The following ING3 variants were observed in gnomAD, a reference collection of about 807,000 sequenced individuals.
ING3 encodes inhibitor of growth family member 3.
In ING3, 6 loss-of-function variants were observed where a neutral mutation model predicts 64.8. The ratio of observed to expected loss-of-function variants is 0.09; its 90% CI spans 0.05 to 0.18. The LOEUF is 0.18. Ranked by LOEUF, ING3 falls within the 10% of genes least tolerant of loss-of-function variation. ING3 has a pLI of 1.00. For missense variants in ING3, 310 were observed against 489.7 expected (o/e 0.63, Z 3.46); for synonymous variants, 170 against 173.7 (o/e 0.98, Z 0.17).
At chr7:120,966,794 G>A in intron 6 of ING3, 97 bp downstream of exon 6, 1 of 871,080 alleles carries the variant, frequency 1.1e-6, no homozygotes, top group Non-Finnish European at 1.9e-6. Flanking sequence ...AACCAATTGA[G>A]AAATAAATCC....
chr7:120,953,443 G>A, intron 3 of ING3, 39 bp downstream of exon 3: 1 of 1,202,404 alleles, frequency 8.3e-7, no homozygotes, highest in Non-Finnish European at 1.2e-6. Context: ...AAGAAATATT[G>A]GGACCCTCTG....
Position 120,974,970 on chromosome 7 carries a change from A to G in ING3, c.*126A>G. The stretch of plus-strand genomic sequence containing the variant: ...GCAACCACTTAAAGGATTTACATAG[A>G]CAATCCTATAAGATCTTGAACTTGA... On this transcript the variant is annotated 3_prime_UTR_variant, in exon 12 of 12. Coordinates refer to ENST00000315870, the MANE Select transcript of ING3 (RefSeq NM_019071.3). 1.7e-6 allele frequency: 1 copy of G among 572,430 alleles called. No homozygotes were observed. Among genetic ancestry groups the G allele is most frequent in the Non-Finnish European group, 3.0e-6 (1 of 330,450 alleles). The allele number at this position is 572,430 out of a possible 1,614,324, so 35.5% of individuals were successfully genotyped here. A position where few individuals can be genotyped will look rare whatever the true frequency, so the allele number is the denominator to read the frequency against.
Position 120,975,057 on chromosome 7 carries a change from A to C in ING3, c.*213A>C. 1 of 280,212 alleles carries C rather than the reference A, an allele frequency of 3.6e-6. No homozygotes were observed. The highest frequency in any genetic ancestry group is 6.8e-6 in the Non-Finnish European group (1 of 146,852). 17.4% of individuals were successfully genotyped at this position (280,212 alleles called of 1,614,324 possible). A position where few individuals can be genotyped will look rare whatever the true frequency, so the allele number is the denominator to read the frequency against. ...ATTTATGCACTCCTGGTGTGCTATG[A>C]ATATTATTCCAGTTAGCCTTGGATT... On this transcript the variant is annotated 3_prime_UTR_variant, in exon 12 of 12. Transcript: ENST00000315870.
At position 120,976,727 on chromosome 7, in the gene ING3, G is replaced by A. The variant is rs115683557; in HGVS notation, c.*1883G>A. On this transcript the variant is annotated 3_prime_UTR_variant, in exon 12 of 12. Transcript: ENST00000315870. Reference sequence around the variant, plus strand: ...TATTTGAAGAGAAAGTTCTTTGTCTGAGTCAGGAACATCCTGTTATCCAGC... The same window carrying A: ...TATTTGAAGAGAAAGTTCTTTGTCTAAGTCAGGAACATCCTGTTATCCAGC... The A allele has an allele frequency of 6.0e-4, 91 of 152,254 alleles. No homozygotes were observed. The highest frequency in any genetic ancestry group is 2.1e-3 in the African/African-American group (89 of 41,576). 9.4% of individuals were successfully genotyped at this position (152,254 alleles called of 1,614,324 possible). A position where few individuals can be genotyped will look rare whatever the true frequency, so the allele number is the denominator to read the frequency against.
intron 4 of ING3, chr7:120,956,757 A>G: frequency 3.1e-6 from 3 of 975,576 alleles, no homozygotes; most frequent in Non-Finnish European, 2.4e-6. Context: ...AGGCATTTAC[A>G]TTTGAATCTA....
At chr7:120,962,230 T>C (rs1450227960) in intron 4 of ING3, among the ~76,000 whole-genome samples, 1 of 152,158 alleles carries the variant, frequency 6.6e-6, no homozygotes, top group Non-Finnish European at 1.5e-5. Flanking sequence ...CAGTAGTAAA[T>C]AGAAGAAAAA....
chr7:120,961,761 T>G (rs1795936716), intron 4 of ING3, among the ~76,000 whole-genome samples: 1 of 152,162 alleles, frequency 6.6e-6, no homozygotes, highest in African/African-American at 2.4e-5. Context: ...AACTTAAAGC[T>G]GTTATGATTT....
intron 4 of ING3, among the ~76,000 whole-genome samples, chr7:120,962,450 A>G (rs1311496877): frequency 6.6e-6 from 1 of 151,448 alleles, no homozygotes; most frequent in African/African-American, 2.4e-5. Flanking sequence ...GCTATCTAGT[A>G]TTGAAAGTCT....
intron 4 of ING3, among the ~76,000 whole-genome samples, chr7:120,964,152 A>G (rs949363743): frequency 6.6e-6 from 1 of 152,140 alleles, no homozygotes; most frequent in Non-Finnish European, 1.5e-5. Context: ...TTTTAACCAG[A>G]TCCTTTGAGG....
At chr7:120,956,752 T>G (rs1795854041) in intron 4 of ING3, 1 of 975,510 alleles carries the variant, frequency 1.0e-6, no homozygotes, top group African/African-American at 1.8e-5. Flanking sequence ...GAAAAAGGCA[T>G]TTACATTTGA....
chr7:120,953,451 C>G, intron 3 of ING3, 47 bp downstream of exon 3: 2 of 1,126,542 alleles, frequency 1.8e-6, no homozygotes, highest in Non-Finnish European at 2.6e-6. Flanking sequence ...TTGGGACCCT[C>G]TGAAAAAGAT....
At chr7:120,956,135 T>G (rs764287840) in intron 4 of ING3, 2 of 1,545,236 alleles carry the variant, frequency 1.3e-6, no homozygotes, top group South Asian at 1.1e-5. Context: ...GATGACAAAC[T>G]TTAAACAAGA....
In ING3 at chr7:120,975,980, G is replaced by A. The variant is rs1796130182; in HGVS notation, c.*1136G>A. On this transcript the variant is annotated 3_prime_UTR_variant, in exon 12 of 12. Coordinates refer to ENST00000315870, the MANE Select transcript of ING3 (RefSeq NM_019071.3). Reference sequence around the variant, plus strand: ...ACTGGAGGCAATGTAGCCAAATAGAGTAAAGAGACCCCCCTGGTCGGGAGC... The same window carrying A: ...ACTGGAGGCAATGTAGCCAAATAGAATAAAGAGACCCCCCTGGTCGGGAGC... 6.6e-6 allele frequency: 1 copy of A among 152,084 alleles called. No homozygotes were observed. The highest frequency in any genetic ancestry group is 2.1e-4 in the South Asian group (1 of 4,832). 9.4% of individuals were successfully genotyped at this position (152,084 alleles called of 1,614,324 possible). A position where few individuals can be genotyped will look rare whatever the true frequency, so the allele number is the denominator to read the frequency against.
At chr7:120,963,859 A>G (rs1461390467) in intron 4 of ING3, among the ~76,000 whole-genome samples, 6 of 152,198 alleles carry the variant, frequency 3.9e-5, no homozygotes, top group African/African-American at 1.2e-4. Flanking sequence ...AGTTATTTCT[A>G]ATTCTAGCAG....
chr7:120,971,740 T>A (rs556367267), intron 10 of ING3, among the ~76,000 whole-genome samples: 1 of 152,294 alleles, frequency 6.6e-6, no homozygotes, highest in East Asian at 1.9e-4. Context: ...GGGATAATAT[T>A]ACGATAGGCA....
chr7:120,951,252 A>G lies in ING3; in HGVS notation c.100+17A>G, dbSNP rs367660853. The G allele has an allele frequency of 1.7e-5, 27 of 1,613,244 alleles. No homozygotes were observed. Among genetic ancestry groups the G allele is most frequent in the South Asian group, 4.4e-5 (4 of 91,056 alleles). ...AGGTGCAGAGTAAGTCGGCGCGTCT[A>G]CTACTCCTGTTCGCTGCGCGCGTTC... On this transcript the variant is annotated intron_variant, in intron 2 of 11. Transcript: ENST00000315870.
intron 6 of ING3, among the ~76,000 whole-genome samples, chr7:120,966,966 T>C (rs1003035702): frequency 1.3e-5 from 2 of 152,182 alleles, no homozygotes; most frequent in East Asian, 1.9e-4. Context: ...TGATTCTCCT[T>C]AGGGAGCTTT....
In ING3 at chr7:120,967,991, C is replaced by T. The variant is rs1335629427; in HGVS notation, c.614C>T (p.Ser205Phe). ...SSNNAYNVNS[S>F]QPLGSYNIGS... The stretch of plus-strand genomic sequence containing the variant: ...AACAATGCCTACAATGTGAATTCCT[C>T]CCAACCTCTGGGATCCTATAACATT... Residue 205 changes from serine to phenylalanine, a missense_variant, in exon 8 of 12, where the codon TCC becomes TTC. Around this residue, in one of 3 missense-constraint regions of ING3, gnomAD observed 233 missense variants for 289.4 expected, o/e 0.81. Transcript: ENST00000315870. 1 of 1,614,046 alleles carries T rather than the reference C, an allele frequency of 6.2e-7. No homozygotes were observed. The highest frequency in any genetic ancestry group is 1.7e-5 in the Admixed American group (1 of 60,014).
chr7:120,960,712 G>C (rs986082289), intron 4 of ING3, among the ~76,000 whole-genome samples: 1 of 152,106 alleles, frequency 6.6e-6, no homozygotes, highest in African/African-American at 2.4e-5. Context: ...TAGGGTTCCG[G>C]TAGAAGAAAC....
Sources: gnomAD v4.1 joint callset for allele counts (sites outside exome capture counted in the v4.1 genomes callset) on GRCh38, gnomAD v4.1.1 for gene constraint, gnomAD v4.1.1 regional missense constraint, MANE v1.5 for transcripts, NCBI Gene and HGNC (gene_info 2026-07-23, HGNC 2026-07-21) for gene names.